ZFHX4: variants seen among roughly 807,000 people sequenced by gnomAD.
ZFHX4 encodes zinc finger homeobox protein 4.
In ZFHX4, 56 loss-of-function variants were observed where a neutral mutation model predicts 267.6. The observed-to-expected ratio is 0.21, with a 90% CI of 0.17 to 0.26. ZFHX4 has a LOEUF of 0.26. ZFHX4 is among the 10% of genes least tolerant of loss of function. ZFHX4 has a pLI of 1.00. For synonymous variants in ZFHX4, 1,778 were observed against 1,665.6 expected (o/e 1.07, Z -1.64); for missense variants, 4,332 against 4,420.0 (o/e 0.98, Z 0.56).
In ZFHX4 at chr8:76,850,982, C is replaced by G. The variant is rs759299398; in HGVS notation, c.4061C>G (p.Pro1354Arg). 1.2e-6 allele frequency: 2 copies of G among 1,613,670 alleles called. No homozygotes were observed. The highest frequency in any genetic ancestry group is 1.7e-6 in the Non-Finnish European group (2 of 1,179,790). Reference protein sequence around the residue: ...KNEEQKPTKEPLEVSEWNKNS... With the variant: ...KNEEQKPTKERLEVSEWNKNS... ...GAGGAGCAGAAACCGACTAAAGAAC[C>G]CTTGGAAGTCTCAGAATGGAATAAA... Residue 1354 changes from proline to arginine, a missense_variant, in exon 10 of 11, where the codon CCC becomes CGC. Pro to Arg is a moderately radical substitution (Grantham distance 103). This residue lies in a region of ZFHX4 where 1,371 missense variants were observed against 1,423.1 expected (regional missense o/e 0.96). Transcript: ENST00000651372.
intron 4 of ZFHX4, among the ~76,000 whole-genome samples, chr8:76,823,226 T>C (rs992137714): frequency 3.3e-5 from 5 of 151,814 alleles, no homozygotes; most frequent in Non-Finnish European, 7.4e-5. Flanking sequence ...GCACCTCTGC[T>C]TAAAACCCCC....
At chr8:76,768,365 A>G (rs1201833761) in intron 3 of ZFHX4, among the ~76,000 whole-genome samples, 1 of 152,178 alleles carries the variant, frequency 6.6e-6, no homozygotes, top group South Asian at 2.1e-4. Flanking sequence ...ATGGTAATAA[A>G]TGTAATAATG....
rs529500804 is a variant in ZFHX4, at chr8:76,863,588, G to A, written c.9874G>A (p.Gly3292Ser). ...GGGGGGATACTTCCCACCTGTCTGT[G>A]GCATGGAGAGCCTCTTTCCTTATGG... ...VQGGYFPPVC[G>S]MESLFPYGPT... Residue 3292 changes from glycine (G) to serine (S), a missense_variant, in exon 11 of 11, where the codon GGC becomes AGC. This residue lies in a region of ZFHX4 where 1,648 missense variants were observed against 1,625.0 expected (regional missense o/e 1.01). Transcript: ENST00000651372. 2 of 1,613,650 alleles carry A rather than the reference G, an allele frequency of 1.2e-6. No homozygotes were observed. Among genetic ancestry groups the A allele is most frequent in the South Asian group, 2.2e-5 (2 of 91,070 alleles).
chr8:76,808,671 G>C (rs1238464598), intron 4 of ZFHX4, among the ~76,000 whole-genome samples: 1 of 152,076 alleles, frequency 6.6e-6, no homozygotes, highest in Admixed American at 6.6e-5. Flanking sequence ...TTTAAATATT[G>C]ATTGGCCCTT....
chr8:76,741,871 C>T (rs1809326181), intron 3 of ZFHX4, among the ~76,000 whole-genome samples: 1 of 152,180 alleles, frequency 6.6e-6, no homozygotes, highest in Non-Finnish European at 1.5e-5. Context: ...ATGCTCTTAG[C>T]CTTAGCTATA....
At chr8:76,806,730 G>A (rs1190248976) in intron 4 of ZFHX4, among the ~76,000 whole-genome samples, 1 of 152,056 alleles carries the variant, frequency 6.6e-6, no homozygotes, top group Non-Finnish European at 1.5e-5. Flanking sequence ...GTGTCCCCAA[G>A]AGTTCTTAAA....
intron 4 of ZFHX4, among the ~76,000 whole-genome samples, chr8:76,804,277 A>T (rs1440264293): frequency 2.6e-5 from 4 of 152,078 alleles, no homozygotes; most frequent in African/African-American, 7.2e-5. Context: ...CCAAAATTTA[A>T]TTTTTCAAAA....
At chr8:76,774,106 G>A (rs1008873368) in intron 3 of ZFHX4, among the ~76,000 whole-genome samples, 3 of 152,058 alleles carry the variant, frequency 2.0e-5, no homozygotes, top group African/African-American at 7.2e-5. Context: ...AATCCTGTAA[G>A]TTGCTCATCA....
At chr8:76,691,630 G>A (rs1046793008) in intron 1 of ZFHX4, among the ~76,000 whole-genome samples, 5 of 151,974 alleles carry the variant, frequency 3.3e-5, no homozygotes, top group African/African-American at 1.2e-4. Flanking sequence ...ATGCTTAATA[G>A]GAATCTTATT....
chr8:76,827,700 A>G (rs1192751163), intron 4 of ZFHX4, among the ~76,000 whole-genome samples: 1 of 152,204 alleles, frequency 6.6e-6, no homozygotes. Flanking sequence ...TTGAGGCCCC[A>G]TTACACCGAG....
At position 76,852,565 on chromosome 8, in the gene ZFHX4, G is replaced by A. The variant is rs1259514965; in HGVS notation, c.5644G>A (p.Gly1882Ser). 1 of 1,611,346 alleles carries A rather than the reference G, an allele frequency of 6.2e-7. No homozygotes were observed. The highest frequency in any genetic ancestry group is 1.3e-5 in the African/African-American group (1 of 75,006). Reference sequence around the variant, plus strand: ...AAGTGAAGGTGAAGGACTCAAAGAAGGCAAAGACACAAAGAAGCAAAAATC... The same window carrying A: ...AAGTGAAGGTGAAGGACTCAAAGAAAGCAAAGACACAAAGAAGCAAAAATC... ...FISEGEGLKEGKDTKKQKSLE... is the reference protein window; with the variant it reads ...FISEGEGLKESKDTKKQKSLE... Residue 1882 changes from glycine (G) to serine (S), a missense_variant, in exon 10 of 11, where the codon GGC becomes AGC. By Grantham distance (56) the Gly-to-Ser change is moderately conservative. Coordinates refer to ENST00000651372, the MANE Select transcript of ZFHX4 (RefSeq NM_024721.5).
intron 3 of ZFHX4, among the ~76,000 whole-genome samples, chr8:76,747,254 T>A (rs556477202): frequency 6.6e-6 from 1 of 152,198 alleles, no homozygotes; most frequent in African/African-American, 2.4e-5. Flanking sequence ...GCATGCTCTA[T>A]TAAGCTCGAT....
At chr8:76,712,515 G>A (rs1808453039) in intron 3 of ZFHX4, among the ~76,000 whole-genome samples, 1 of 151,650 alleles carries the variant, frequency 6.6e-6, no homozygotes, top group Non-Finnish European at 1.5e-5. Context: ...TACGAGATAT[G>A]TACCATTTCA....
intron 4 of ZFHX4, among the ~76,000 whole-genome samples, chr8:76,806,802 C>T (rs888980440): frequency 2.6e-5 from 4 of 151,846 alleles, no homozygotes; most frequent in Admixed American, 6.6e-5. Context: ...TTTGTTATTT[C>T]GGTCCTTGCA....
intron 4 of ZFHX4, among the ~76,000 whole-genome samples, chr8:76,796,972 G>A (rs978547067): frequency 2.0e-5 from 3 of 152,140 alleles, no homozygotes; most frequent in Admixed American, 6.5e-5. Context: ...TTACAACACT[G>A]GAAGAAAAGA....
intron 3 of ZFHX4, among the ~76,000 whole-genome samples, chr8:76,765,072 A>G (rs189027862): frequency 6.6e-6 from 1 of 152,278 alleles, no homozygotes; most frequent in East Asian, 1.9e-4. Context: ...CTCAACATAG[A>G]AAGTCATGAG....
chr8:76,792,746 T>C (rs79247848), intron 4 of ZFHX4, among the ~76,000 whole-genome samples: 136 of 152,326 alleles, frequency 8.9e-4, no homozygotes, highest in African/African-American at 3.1e-3. Context: ...GGTTCTTAAG[T>C]AGAGAAACTA....
At chr8:76,789,439 G>T (rs749040927) in intron 4 of ZFHX4, among the ~76,000 whole-genome samples, 8 of 152,270 alleles carry the variant, frequency 5.3e-5, no homozygotes, top group Non-Finnish European at 1.0e-4. Flanking sequence ...ATCACGGTAG[G>T]CAATTGTTTT....
At chr8:76,789,088 G>A (rs917350781) in intron 4 of ZFHX4, among the ~76,000 whole-genome samples, 5 of 152,104 alleles carry the variant, frequency 3.3e-5, no homozygotes, top group African/African-American at 1.2e-4. Flanking sequence ...TTCCATTATT[G>A]CATGGCTGTT....
Sources: allele counts gnomAD v4.1 joint callset (sites outside exome capture counted in the v4.1 genomes callset), GRCh38; gene constraint gnomAD v4.1.1; regional missense constraint gnomAD v4.1.1; transcripts MANE v1.5; gene names NCBI Gene and HGNC (gene_info 2026-07-23, HGNC 2026-07-21).